Variants in PALLD observed in about 807,000 individuals in gnomAD.
PALLD encodes palladin, cytoskeletal associated protein, also known as palladin.
In PALLD, 61 loss-of-function variants were observed where a neutral mutation model predicts 123.5. The observed-to-expected ratio is 0.49, with a 90% confidence interval of 0.40 to 0.61. The LOEUF (loss-of-function observed/expected upper bound fraction) is 0.61. Ranked by LOEUF, PALLD falls within the 20% of genes least tolerant of loss-of-function variation. The probability of loss-of-function intolerance (pLI) is 0.00; values close to 1 mark genes in which losing one functional copy is unlikely to be tolerated. For synonymous variants in PALLD, 465 were observed against 496.4 expected, an observed-to-expected ratio of 0.94 and a Z score of 0.84; for missense variants, 1,273 against 1,377.0, an observed-to-expected ratio of 0.92 and a Z score of 1.20.
intron 10 of PALLD, among the ~76,000 whole-genome samples, chr4:168,883,386 C>T (rs1327425860): frequency 6.6e-6 from 1 of 152,136 alleles, no homozygotes; most frequent in Non-Finnish European, 1.5e-5. Flanking sequence ...AATGAGTTTG[C>T]TCACTCTGAA....
intron 6 of PALLD, among the ~76,000 whole-genome samples, chr4:168,688,627 A>G (rs753024320): frequency 2.6e-5 from 4 of 152,226 alleles, no homozygotes; most frequent in Non-Finnish European, 4.4e-5. Flanking sequence ...AGGTTCTCCT[A>G]ATGGCTTACT....
intron 2 of PALLD, among the ~76,000 whole-genome samples, chr4:168,594,385 T>C (rs1193276191): frequency 1.3e-5 from 2 of 152,136 alleles, no homozygotes; most frequent in Non-Finnish European, 2.9e-5. Context: ...GTTTAGTTCC[T>C]AGACAGAGAC....
chr4:168,794,451 G>A (rs1427055637), intron 10 of PALLD, among the ~76,000 whole-genome samples: 3 of 102,150 alleles, frequency 2.9e-5, no homozygotes, highest in African/African-American at 1.0e-4. Context: ...ATAGACATAC[G>A]CGCAGCGCAC....
chr4:168,827,809 G>A (rs143160308), intron 10 of PALLD, among the ~76,000 whole-genome samples: 2,030 of 152,284 alleles, frequency 0.013, 48 homozygotes, highest in African/African-American at 0.047. Flanking sequence ...TTGGGAGGCC[G>A]AAGAGGCAGA....
chr4:168,777,806 A>G (rs1185356471), intron 10 of PALLD, among the ~76,000 whole-genome samples: 1 of 152,168 alleles, frequency 6.6e-6, no homozygotes. Context: ...GGCACTTTAC[A>G]TGCGTGGGAC....
At chr4:168,742,853 G>C (rs1054161131) in intron 10 of PALLD, among the ~76,000 whole-genome samples, 7 of 152,148 alleles carry the variant, frequency 4.6e-5, no homozygotes, top group African/African-American at 1.7e-4. Flanking sequence ...GTAATTTATT[G>C]AATGTAGTTG....
At position 168,838,036 on chromosome 4, in the gene PALLD, A is replaced by G. The variant is rs546827674; in HGVS notation, c.1965-52886A>G. 5.9e-5 allele frequency among the ~76,000 whole-genome samples: 9 copies of G among 152,314 alleles called. No individual in the cohort carries two copies. The South Asian group carries it at 1.9e-3, about 32-fold the overall frequency. On this transcript the variant is annotated intron_variant, in intron 10 of 21. Coordinates refer to ENST00000505667, the MANE Select transcript of PALLD (RefSeq NM_001166108.2). ...ATACAGGCTGAAGGACAGCTGTGAG[A>G]TAACAAAATCAGTCCAGGAGTACAT...
intron 10 of PALLD, among the ~76,000 whole-genome samples, chr4:168,833,254 G>A (rs897729165): frequency 8.5e-5 from 13 of 152,100 alleles, no homozygotes; most frequent in Non-Finnish European, 1.6e-4. Context: ...CAGGAGAGGG[G>A]GCGTCTCGGT....
intron 2 of PALLD, among the ~76,000 whole-genome samples, chr4:168,618,076 G>A (rs1241526629): frequency 6.6e-6 from 1 of 152,080 alleles, no homozygotes; most frequent in Non-Finnish European, 1.5e-5. Context: ...ATGAGAACAG[G>A]GAAGTGGAAT....
intron 10 of PALLD, among the ~76,000 whole-genome samples, chr4:168,872,220 A>G (rs956764344): frequency 2.0e-5 from 3 of 152,202 alleles, no homozygotes; most frequent in African/African-American, 4.8e-5. Flanking sequence ...AACTTTATGC[A>G]TTAAGACATA....
intron 18 of PALLD, among the ~76,000 whole-genome samples, chr4:168,922,098 TATATACACACACACACACACACAC>T (rs1761663995): frequency 9.3e-6 from 1 of 107,620 alleles, no homozygotes; most frequent in Non-Finnish European, 1.9e-5. Flanking sequence ...TATATATATA[TATATACACACACACACACACACAC>T]ACACACACAC....
intron 8 of PALLD, among the ~76,000 whole-genome samples, chr4:168,703,015 G>C (rs1166807617): frequency 7.2e-6 from 1 of 138,838 alleles, no homozygotes; most frequent in Non-Finnish European, 1.5e-5. Context: ...CCACTAACTC[G>C]TCATCTAGCA....
intron 1 of PALLD, among the ~76,000 whole-genome samples, chr4:168,501,518 T>C (rs546834837): frequency 6.6e-6 from 1 of 152,334 alleles, no homozygotes; most frequent in East Asian, 1.9e-4. Context: ...CCAAGATGCT[T>C]ATAAGGATAT....
At chr4:168,845,436 CA>C (rs1267681183) in intron 10 of PALLD, among the ~76,000 whole-genome samples, 1 of 151,940 alleles carries the variant, frequency 6.6e-6, no homozygotes, top group Non-Finnish European at 1.5e-5. Flanking sequence ...AAAAACAAAA[CA>C]AAAACAGTAA....
intron 12 of PALLD, 125 bp from the exon 13 acceptor site, chr4:168,896,424 A>T: frequency 1.5e-6 from 1 of 673,614 alleles, no homozygotes. Context: ...GTGAGTACTC[A>T]CAGCACCGTT....
At chr4:168,612,965 T>C (rs1292126839) in intron 2 of PALLD, among the ~76,000 whole-genome samples, 5 of 152,192 alleles carry the variant, frequency 3.3e-5, no homozygotes, top group African/African-American at 1.2e-4. Flanking sequence ...CAGGCTTTCA[T>C]CATCAAGAAT....
At position 168,926,495 on chromosome 4, in the gene PALLD, TAAAAA is replaced by T. The variant is rs796761323; in HGVS notation, c.*321_*325del. On this transcript the variant is annotated 3_prime_UTR_variant, in exon 22 of 22. Transcript: ENST00000505667. ...AAACATACCTTTGACTATAAGAAAT[TAAAAA>T]AAAAACACCAAAATAATATTTTTCT... 1.7e-6 allele frequency: 1 copy of T among 605,820 alleles called. No homozygotes were observed. Among genetic ancestry groups the T allele is most frequent in the Admixed American group, 3.4e-5 (1 of 29,758 alleles). 37.5% of individuals were successfully genotyped at this position (605,820 alleles called of 1,614,324 possible).
intron 10 of PALLD, among the ~76,000 whole-genome samples, chr4:168,780,282 C>T (rs1166227258): frequency 6.6e-6 from 1 of 152,212 alleles, no homozygotes; most frequent in Non-Finnish European, 1.5e-5. Flanking sequence ...TTAGGCAGGG[C>T]ATGCACAGAG....
intron 2 of PALLD, among the ~76,000 whole-genome samples, chr4:168,660,622 A>G (rs911092260): frequency 2.0e-5 from 3 of 152,026 alleles, no homozygotes; most frequent in African/African-American, 7.2e-5. Flanking sequence ...ATGTATGTGT[A>G]CGTATACATA....
Sources: gnomAD v4.1 joint callset for allele counts (sites outside exome capture counted in the v4.1 genomes callset) on GRCh38, gnomAD v4.1.1 for gene constraint, MANE v1.5 for transcripts, NCBI Gene and HGNC (gene_info 2026-07-23, HGNC 2026-07-21) for gene names.